PLEKHG1: variants seen among roughly 807,000 people sequenced by gnomAD.
PLEKHG1 encodes pleckstrin homology domain-containing family G member 1.
In PLEKHG1, 44 loss-of-function variants were observed where a neutral mutation model predicts 100.8. The ratio of observed to expected loss-of-function variants is 0.44; its 90% confidence interval spans 0.34 to 0.56. PLEKHG1 has a LOEUF of 0.56. Ranked by LOEUF, PLEKHG1 falls within the 20% of genes least tolerant of loss-of-function variation. The pLI is 0.01. For synonymous variants in PLEKHG1, 640 were observed against 662.5 expected, an observed-to-expected ratio of 0.97 and a Z score of 0.52; for missense variants, 1,545 against 1,720.9, an observed-to-expected ratio of 0.90 and a Z score of 1.81.
intron 4 of PLEKHG1, among the ~76,000 whole-genome samples, chr6:150,795,424 A>G (rs963714803): frequency 4.6e-5 from 7 of 151,712 alleles, no homozygotes; most frequent in African/African-American, 1.7e-4. Flanking sequence ...TTTATTTTAG[A>G]TTTTGCAAAA....
chr6:150,631,014 G>A (rs146713908), intron 1 of PLEKHG1, among the ~76,000 whole-genome samples: 1 of 152,292 alleles, frequency 6.6e-6, no homozygotes, highest in African/African-American at 2.4e-5. Context: ...CGATGGAGTG[G>A]AGGGGGCCAA....
chr6:150,784,418 C>A (rs748338004), intron 3 of PLEKHG1, among the ~76,000 whole-genome samples: 1 of 152,196 alleles, frequency 6.6e-6, no homozygotes, highest in Non-Finnish European at 1.5e-5. Flanking sequence ...TTTATATCTA[C>A]TGACATCATT....
In PLEKHG1 at chr6:150,743,648, G is replaced by T. The variant is rs193187878; in HGVS notation, c.411+9556G>T. On this transcript the variant is annotated intron_variant, in intron 2 of 15. Transcript: ENST00000358517. ...GTTTTAAATGCATTCTTTATTTAGG[G>T]CTTCAGACCAATGTATCTCCTACTG... Among the ~76,000 whole-genome samples, 118 of 152,170 alleles carry T rather than the reference G, an allele frequency of 7.8e-4. 2 individuals are homozygous for T. The highest frequency in any genetic ancestry group is 7.4e-3 in the Admixed American group (113 of 15,276).
exon 9 of PLEKHG1, chr6:150,809,385 G>A: frequency 6.2e-7 from 1 of 1,613,556 alleles, no homozygotes; most frequent in Non-Finnish European, 8.5e-7. Flanking sequence ...CTCTAGTGTG[G>A]CAACCTCATG....
chr6:150,753,654 A>G (rs112932950), intron 2 of PLEKHG1, among the ~76,000 whole-genome samples: 19 of 152,356 alleles, frequency 1.2e-4, no homozygotes, highest in African/African-American at 4.1e-4. Context: ...CAGAGAGAAA[A>G]GGGTGAGAGT....
chr6:150,695,581 A>G (rs564542562), intron 3 of PLEKHG1, among the ~76,000 whole-genome samples: 4 of 152,358 alleles, frequency 2.6e-5, no homozygotes, highest in Non-Finnish European at 5.9e-5. Flanking sequence ...GGACTTGTGT[A>G]GCTTGCCTAA....
intron 14 of PLEKHG1, among the ~76,000 whole-genome samples, chr6:150,828,894 G>T (rs1481878615): frequency 6.6e-6 from 1 of 152,148 alleles, no homozygotes; most frequent in Non-Finnish European, 1.5e-5. Context: ...ATTAAAGAAT[G>T]TGAAAAACAT....
At chr6:150,826,008 G>A (rs1469587909) in intron 14 of PLEKHG1, among the ~76,000 whole-genome samples, 1 of 152,016 alleles carries the variant, frequency 6.6e-6, no homozygotes, top group East Asian at 1.9e-4. Flanking sequence ...GTGAAACCCT[G>A]TCTCTACTAA....
At chr6:150,657,035 T>C (rs777390829) in intron 3 of PLEKHG1, among the ~76,000 whole-genome samples, 11 of 152,154 alleles carry the variant, frequency 7.2e-5, no homozygotes, top group Non-Finnish European at 1.2e-4. Context: ...TAGCACTGGC[T>C]CCAGGACCAA....
intron 1 of PLEKHG1, among the ~76,000 whole-genome samples, chr6:150,618,863 G>C (rs923660088): frequency 2.6e-5 from 4 of 152,258 alleles, no homozygotes; most frequent in Admixed American, 6.5e-5. Context: ...AGGATAGCTT[G>C]AGACCAGGCA....
At chr6:150,796,936 T>A (rs187710907) in intron 5 of PLEKHG1, among the ~76,000 whole-genome samples, 48 of 152,270 alleles carry the variant, frequency 3.2e-4, no homozygotes, top group Non-Finnish European at 5.4e-4. Flanking sequence ...GCCTTTTTAT[T>A]TTCCTTTTTT....
intron 2 of PLEKHG1, among the ~76,000 whole-genome samples, chr6:150,757,394 G>T (rs1783905598): frequency 6.6e-6 from 1 of 152,228 alleles, no homozygotes; most frequent in African/African-American, 2.4e-5. Context: ...AGTGTGGGTT[G>T]TTACTTGATT....
At chr6:150,781,758 A>G (rs1785323180) in intron 3 of PLEKHG1, among the ~76,000 whole-genome samples, 1 of 151,472 alleles carries the variant, frequency 6.6e-6, no homozygotes, top group Non-Finnish European at 1.5e-5. Flanking sequence ...GTTTTAAAAG[A>G]TCCTTTCTTT....
chr6:150,758,297 T>A (rs1440785235), intron 2 of PLEKHG1, among the ~76,000 whole-genome samples: 1 of 151,956 alleles, frequency 6.6e-6, no homozygotes. Context: ...GGAAAAGTGT[T>A]CCTTTTTCTC....
At chr6:150,630,689 G>A (rs555495215) in intron 1 of PLEKHG1, among the ~76,000 whole-genome samples, 9 of 152,286 alleles carry the variant, frequency 5.9e-5, no homozygotes, top group Non-Finnish European at 1.5e-5. Context: ...GTGCTCAGGA[G>A]AGGGGGCCGG....
chr6:150,601,005 C>G (rs1486692544), intron 1 of PLEKHG1: 1 of 152,224 alleles, frequency 6.6e-6, no homozygotes, highest in Admixed American at 6.5e-5. Flanking sequence ...CAGGTATCAC[C>G]CCGCGAGGAC....
chr6:150,745,761 CAT>C (rs1026264509), intron 2 of PLEKHG1, among the ~76,000 whole-genome samples: 4 of 150,818 alleles, frequency 2.7e-5, no homozygotes, highest in Non-Finnish European at 5.9e-5. Flanking sequence ...ATCCATGACA[CAT>C]ATAGAAAAAA....
At chr6:150,823,852 CATCCTT>C (rs2128681454) in intron 14 of PLEKHG1, among the ~76,000 whole-genome samples, 176 bp downstream of exon 15, 1 of 152,306 alleles carries the variant, frequency 6.6e-6, no homozygotes, top group East Asian at 1.9e-4. Context: ...AGCAAAGACT[CATCCTT>C]ATCAACTTCT....
intron 2 of PLEKHG1, 47 bp downstream of exon 3, chr6:150,734,139 C>T: frequency 6.4e-7 from 1 of 1,550,446 alleles, no homozygotes; most frequent in African/African-American, 1.4e-5. Context: ...GAGAAATATG[C>T]TTGCAAAAGA....
Sources: gnomAD v4.1 joint callset for allele counts (sites outside exome capture counted in the v4.1 genomes callset) on GRCh38, gnomAD v4.1.1 for gene constraint, MANE v1.5 for transcripts, NCBI Gene and HGNC (gene_info 2026-07-23, HGNC 2026-07-21) for gene names.